Variants in HCLS1 observed in about 807,000 individuals in gnomAD.
HCLS1 encodes hematopoietic cell-specific Lyn substrate 1.
A neutral mutation model predicts 68.6 loss-of-function variants in HCLS1; 44 were observed. The observed-to-expected ratio is 0.64, with a 90% CI of 0.50 to 0.82. The LOEUF (loss-of-function observed/expected upper bound fraction) is 0.82, where lower values mean the gene tolerates loss of function less well. Among genes scored for constraint, HCLS1 ranks in the 40% least tolerant of loss-of-function variants. The pLI is 0.00. For synonymous variants in HCLS1, 217 were observed against 225.8 expected (o/e 0.96, Z 0.35); for missense variants, 602 against 612.1 (o/e 0.98, Z 0.17).
Position 121,632,446 on chromosome 3 carries a change from TCTCAGGCTCGGG to T in HCLS1, c.1114_1125del (p.Pro372_Glu375del), listed in dbSNP as rs756580210. 5.1e-5 allele frequency: 68 copies of T among 1,335,864 alleles called. No homozygotes were observed. Among genetic ancestry groups the T allele is most frequent in the East Asian group, 1.9e-4 (7 of 36,074 alleles). The allele number at this position is 1,335,864 out of a possible 1,614,324, so 82.8% of individuals were successfully genotyped here. A position where few individuals can be genotyped will look rare whatever the true frequency, so the allele number is the denominator to read the frequency against. On this transcript the variant is annotated inframe_deletion, in exon 12 of 14. Transcript: ENST00000314583. Reference sequence around the variant, plus strand: ...ATCTCCTCAACGTCCTCATAGTCATTCTCAGGCTCGGGCTCAGGCTCGGGCTCAGGCTCAGGC... The same window carrying T: ...ATCTCCTCAACGTCCTCATAGTCATTCTCAGGCTCGGGCTCAGGCTCAGGC...
chr3:121,637,123 T>G lies in HCLS1; in HGVS notation c.565+23A>C, dbSNP rs1029833699. ...GAGATCCCTGTGCTATCTGTGACCT[T>G]CCCCCTTCCAACCCCAACTCACCTC... On this transcript the variant is annotated intron_variant, in intron 7 of 13. Transcript: ENST00000314583. 11 of 1,494,168 alleles carry G rather than the reference T, an allele frequency of 7.4e-6. No homozygotes were observed. The Admixed American group carries it at 1.3e-4, about 18-fold the overall frequency. The allele number at this position is 1,494,168 out of a possible 1,614,324, so 92.6% of individuals were successfully genotyped here.
chr3:121,649,275 G>A (rs1256899230), intron 3 of HCLS1, among the ~76,000 whole-genome samples: 11 of 152,012 alleles, frequency 7.2e-5, no homozygotes, highest in Admixed American at 5.2e-4. Flanking sequence ...TTGCTCTGTC[G>A]CCCAGGCTGG....
intron 6 of HCLS1, among the ~76,000 whole-genome samples, chr3:121,638,276 T>C (rs747882233): frequency 1.3e-4 from 20 of 152,126 alleles, no homozygotes; most frequent in Non-Finnish European, 2.2e-4. Context: ...TTGCCCAGGC[T>C]AGCCTTAAAC....
chr3:121,641,645 T>C (rs1295709023), intron 6 of HCLS1, among the ~76,000 whole-genome samples: 3 of 152,214 alleles, frequency 2.0e-5, no homozygotes, highest in African/African-American at 7.2e-5. Flanking sequence ...ATATTCTATG[T>C]TTCCAATACA....
At chr3:121,646,712 T>G (rs1200340393) in intron 4 of HCLS1, among the ~76,000 whole-genome samples, 1 of 128,086 alleles carries the variant, frequency 7.8e-6, no homozygotes, top group Non-Finnish European at 1.6e-5. Flanking sequence ...TTATATTATA[T>G]TTATAACATA....
At chr3:121,650,239 T>C (rs574019748) in intron 3 of HCLS1, among the ~76,000 whole-genome samples, 1 of 152,198 alleles carries the variant, frequency 6.6e-6, no homozygotes. Context: ...AAGATGTCAG[T>C]TCTCCCTAAA....
chr3:121,631,491 T>G lies in HCLS1; in HGVS notation c.*355A>C. The G allele has an allele frequency of 4.7e-6, 1 of 211,358 alleles. No individual in the cohort carries two copies. The highest frequency in any genetic ancestry group is 9.5e-6 in the Non-Finnish European group (1 of 105,346). 13.1% of individuals were successfully genotyped at this position (211,358 alleles called of 1,614,324 possible). On this transcript the variant is annotated 3_prime_UTR_variant, in exon 14 of 14. Transcript: ENST00000314583. ...TCTTCAGGGAAGGAAAGTGGGCAAA[T>G]AGCACAATGAGGCAAACCACACAAT...
chr3:121,658,558 G>A (rs1394868610), intron 1 of HCLS1, among the ~76,000 whole-genome samples: 4 of 152,152 alleles, frequency 2.6e-5, no homozygotes, highest in East Asian at 1.9e-4. Context: ...TAATCAAGAC[G>A]AATTGATGTG....
intron 2 of HCLS1, among the ~76,000 whole-genome samples, chr3:121,657,819 T>A (rs1937905358): frequency 6.6e-6 from 1 of 152,028 alleles, no homozygotes; most frequent in African/African-American, 2.4e-5. Context: ...AGAGTGAGAC[T>A]CTGTCTCAAA....
chr3:121,651,779 C>G (rs1937756228), intron 3 of HCLS1, among the ~76,000 whole-genome samples: 1 of 152,196 alleles, frequency 6.6e-6, no homozygotes, highest in African/African-American at 2.4e-5. Context: ...CTGAAACCCA[C>G]ACATTACTGG....
intron 6 of HCLS1, among the ~76,000 whole-genome samples, chr3:121,642,038 C>G (rs1268531582): frequency 6.9e-6 from 1 of 144,726 alleles, no homozygotes; most frequent in African/African-American, 2.6e-5. Context: ...CGAGATCCAG[C>G]CACTGCACTC....
chr3:121,637,922 C>T (rs184922984), intron 6 of HCLS1, among the ~76,000 whole-genome samples: 79 of 148,130 alleles, frequency 5.3e-4, no homozygotes, highest in Admixed American at 1.0e-3. Flanking sequence ...GGTGACAGAG[C>T]GAGACTCCAT....
At chr3:121,658,372 A>C in intron 1 of HCLS1, 25 bp from the exon 2 acceptor site, 1 of 1,558,362 alleles carries the variant, frequency 6.4e-7, no homozygotes, top group Non-Finnish European at 8.9e-7. Flanking sequence ...AGATGGGAAT[A>C]ATTAGGGACA....
At position 121,657,271 on chromosome 3, in the gene HCLS1, G is replaced by T; in HGVS notation, c.158+8C>A. 6.2e-7 allele frequency: 1 copy of T among 1,611,072 alleles called. No individual in the cohort carries two copies. On this transcript the variant is annotated splice_region_variant and intron_variant, in intron 3 of 13. Coordinates refer to ENST00000314583, the MANE Select transcript of HCLS1 (RefSeq NM_005335.6). ...CCCTTCCTTTTCTCCAGTCCTTTCG[G>T]CACCTACTTGATGTGTTCTGTGCGT...
intron 2 of HCLS1, 118 bp downstream of exon 2, chr3:121,658,146 G>A (rs2107481885): frequency 1.3e-6 from 1 of 750,828 alleles, no homozygotes; most frequent in Non-Finnish European, 2.4e-6. Context: ...CCCAGTATGA[G>A]GGCTGTCTCA....
intron 5 of HCLS1, 33 bp from the exon 6 acceptor site, chr3:121,643,014 T>A: frequency 6.3e-7 from 1 of 1,588,486 alleles, no homozygotes; most frequent in Non-Finnish European, 8.6e-7. Context: ...TTGGTTAGAG[T>A]CAGAGCTGAC....
At position 121,636,480 on chromosome 3, in the gene HCLS1, T is replaced by G; in HGVS notation, c.575A>C (p.Lys192Thr). The change falls in exon 8 of 14, where the codon AAG becomes ACG. Residue 192 changes from lysine (K) to threonine (T), a missense_variant. Transcript: ENST00000314583. ...GATTCCATACTGGCCACCAAAGCCCTTGGCATAATCTGCAGGACAGAAAGT... is the reference window on the plus strand; with the variant it reads ...GATTCCATACTGGCCACCAAAGCCCGTGGCATAATCTGCAGGACAGAAAGT... ...EKHESQRDYA[K>T]GFGGQYGIQK... 1 of 1,613,296 alleles carries G rather than the reference T, an allele frequency of 6.2e-7. No homozygotes were observed. Among genetic ancestry groups the G allele is most frequent in the Non-Finnish European group, 8.5e-7 (1 of 1,179,308 alleles).
Position 121,635,718 on chromosome 3 carries a change from G to C in HCLS1, c.691+17C>G. On this transcript the variant is annotated intron_variant, in intron 9 of 13. Coordinates refer to ENST00000314583, the MANE Select transcript of HCLS1 (RefSeq NM_005335.6). ...GAAGGAAGTGAGGTGCATGGAGAGT[G>C]AATCACTAAGCCTCACCGGCTTCTA... 1 of 1,601,188 alleles carries C rather than the reference G, an allele frequency of 6.2e-7. No homozygotes were observed. Among genetic ancestry groups the C allele is most frequent in the South Asian group, 1.1e-5 (1 of 90,814 alleles).
At chr3:121,636,255 C>A (rs6802033) in intron 8 of HCLS1, among the ~76,000 whole-genome samples, 179 bp downstream of exon 8, 103,409 of 152,108 alleles carry the variant, frequency 0.68, 36,181 homozygotes, top group East Asian at 0.85. Context: ...CAGGCTTTGG[C>A]AGACATGCCC....
Sources: allele counts gnomAD v4.1 joint callset (sites outside exome capture counted in the v4.1 genomes callset), GRCh38; gene constraint gnomAD v4.1.1; transcripts MANE v1.5; gene names NCBI Gene and HGNC (gene_info 2026-07-23, HGNC 2026-07-21).